HCN1: variants seen among roughly 807,000 people sequenced by gnomAD.
HCN1 encodes potassium/sodium hyperpolarization-activated cyclic nucleotide-gated channel 1.
In HCN1, 13 loss-of-function variants were observed where a neutral mutation model predicts 78.9. The ratio of observed to expected loss-of-function variants is 0.16; its 90% CI spans 0.11 to 0.26. HCN1 has a LOEUF of 0.26. HCN1 is among the 10% of genes least tolerant of loss of function. The probability of loss-of-function intolerance (pLI) is 1.00; values close to 1 mark genes in which losing one functional copy is unlikely to be tolerated. For missense variants in HCN1, 810 were observed against 1,154.3 expected (o/e 0.70, Z 4.32); for synonymous variants, 552 against 455.5 (o/e 1.21, Z -2.70).
At chr5:45,594,938 A>G (rs1383777378) in intron 2 of HCN1, among the ~76,000 whole-genome samples, 2 of 152,206 alleles carry the variant, frequency 1.3e-5, no homozygotes, top group Non-Finnish European at 2.9e-5. Context: ...TTTGAGTTAA[A>G]ACATCTAAGA....
rs57676056 is a variant in HCN1 at position 45,659,195 on chromosome 5, C to T, written c.426-13587G>A. Among the ~76,000 whole-genome samples the T allele has an allele frequency of 1.8e-3, 267 of 149,008 alleles. 1 individual carries two copies. The highest frequency in any genetic ancestry group is 6.4e-3 in the African/African-American group (259 of 40,544). On this transcript the variant is annotated intron_variant, in intron 1 of 7. Transcript: ENST00000303230. ...GGAGGCACCCCCCAGCAGGGGCACA[C>T]TGACACCTCACACGGCAGGGTATTC...
chr5:45,371,139 G>A (rs1747347627), intron 4 of HCN1, among the ~76,000 whole-genome samples: 1 of 151,876 alleles, frequency 6.6e-6, no homozygotes, highest in African/African-American at 2.4e-5. Context: ...GCGATAAGAG[G>A]GAAGTTTATA....
At chr5:45,540,748 C>A (rs2625496) in intron 2 of HCN1, among the ~76,000 whole-genome samples, 111 of 152,086 alleles carry the variant, frequency 7.3e-4, no homozygotes, top group African/African-American at 2.5e-3. Context: ...ATTTTATTTA[C>A]TTTTTTCTAA....
In HCN1 at chr5:45,343,243, C is replaced by A. The variant is rs867221642; in HGVS notation, c.1377+9857G>T. On this transcript the variant is annotated intron_variant, in intron 5 of 7. Coordinates refer to ENST00000303230, the MANE Select transcript of HCN1 (RefSeq NM_021072.4). Reference sequence around the variant, plus strand: ...GAGTATAGAGGGACTGGAAGATGAGCTTAGGGAGTCTATACTTGATTCAAT... The same window carrying A: ...GAGTATAGAGGGACTGGAAGATGAGATTAGGGAGTCTATACTTGATTCAAT... Among the ~76,000 whole-genome samples, 8 of 152,230 alleles carry A rather than the reference C, an allele frequency of 5.3e-5. No individual in the cohort carries two copies. In the Middle Eastern group the frequency reaches 0.01, roughly 194 times the overall value.
At chr5:45,403,195 CA>C (rs1739858464) in intron 3 of HCN1, among the ~76,000 whole-genome samples, 1 of 152,038 alleles carries the variant, frequency 6.6e-6, no homozygotes, top group African/African-American at 2.4e-5. Context: ...CCAAGTGAAC[CA>C]TAACAAAGGA....
rs71000638 is a variant in HCN1, at chr5:45,537,523, CTTTT to C, written c.850-75520_850-75517del. Among the ~76,000 whole-genome samples, 238 of 25,492 alleles carry C rather than the reference CTTTT, an allele frequency of 9.3e-3. 1 individual carries two copies. The highest frequency in any genetic ancestry group is 0.038 in the African/African-American group (221 of 5,854). The allele number at this position is 25,492 out of a possible 152,430, so 16.7% of individuals were successfully genotyped here. On this transcript the variant is annotated intron_variant, in intron 2 of 7. Coordinates refer to ENST00000303230, the MANE Select transcript of HCN1 (RefSeq NM_021072.4). The stretch of plus-strand genomic sequence containing the variant: ...TCACTAATTTAAAGCAACTCTAAGT[CTTTT>C]TTTTTTTTTTTTTTTTTTTTTTTTT...
intron 2 of HCN1, among the ~76,000 whole-genome samples, chr5:45,470,752 G>A (rs1172478870): frequency 6.6e-6 from 1 of 151,902 alleles, no homozygotes; most frequent in African/African-American, 2.4e-5. Flanking sequence ...TATTTGCTAT[G>A]TGCAGAAAGT....
chr5:45,488,784 C>A (rs1285091691), intron 2 of HCN1, among the ~76,000 whole-genome samples: 2 of 152,224 alleles, frequency 1.3e-5, no homozygotes, highest in East Asian at 3.9e-4. Context: ...GCTGTTCCTC[C>A]AGCCATTCCT....
At chr5:45,606,761 A>G (rs1744734042) in intron 2 of HCN1, among the ~76,000 whole-genome samples, 2 of 152,068 alleles carry the variant, frequency 1.3e-5, no homozygotes, top group Admixed American at 6.6e-5. Flanking sequence ...AGCTCTCATA[A>G]TAGAAATAAC....
chr5:45,411,146 G>A (rs948608989), intron 3 of HCN1, among the ~76,000 whole-genome samples: 1 of 151,988 alleles, frequency 6.6e-6, no homozygotes, highest in Non-Finnish European at 1.5e-5. Context: ...CTCTGTGTGT[G>A]TACATTGGGG....
intron 1 of HCN1, among the ~76,000 whole-genome samples, chr5:45,647,455 G>T (rs1433028903): frequency 2.6e-5 from 4 of 151,986 alleles, no homozygotes; most frequent in Non-Finnish European, 4.4e-5. Context: ...TTCTCTCTCT[G>T]CCCTCCCCTT....
At chr5:45,666,092 A>G (rs1219239210) in intron 1 of HCN1, among the ~76,000 whole-genome samples, 1 of 152,086 alleles carries the variant, frequency 6.6e-6, no homozygotes, top group Non-Finnish European at 1.5e-5. Context: ...TCTGAGCCAC[A>G]GTCATTGTAC....
At chr5:45,298,292 T>C (rs986560220) in intron 6 of HCN1, among the ~76,000 whole-genome samples, 2 of 152,050 alleles carry the variant, frequency 1.3e-5, no homozygotes, top group Non-Finnish European at 2.9e-5. Context: ...GTCTTCCACA[T>C]GAGCATGTTC....
chr5:45,601,190 T>C lies in HCN1; in HGVS notation c.849+43995A>G, dbSNP rs1439917170. 2.6e-5 allele frequency among the ~76,000 whole-genome samples: 4 copies of C among 152,170 alleles called. No individual in the cohort carries two copies. The East Asian group carries it at 7.7e-4, about 29-fold the overall frequency. ...AGGTGGGCACATCTGGATTTTGTTG[T>C]GTGTCTATGTCATTTGACTTGTCTT... is the stretch of plus-strand genomic sequence containing the variant. On this transcript the variant is annotated intron_variant, in intron 2 of 7. Coordinates refer to ENST00000303230, the MANE Select transcript of HCN1 (RefSeq NM_021072.4).
rs138962682 is a variant in HCN1, at chr5:45,587,694, A to C, written c.849+57491T>G. Reference sequence around the variant, plus strand: ...GTACATGTACCCTAGAACTTAAAGTATAATAAAAAAAGAAAGAAATATTAA... The same window carrying C: ...GTACATGTACCCTAGAACTTAAAGTCTAATAAAAAAAGAAAGAAATATTAA... On this transcript the variant is annotated intron_variant, in intron 2 of 7. Transcript: ENST00000303230. Among the ~76,000 whole-genome samples the C allele has an allele frequency of 5.0e-3, 757 of 152,260 alleles. 4 individuals are homozygous for C. Among genetic ancestry groups the C allele is most frequent in the African/African-American group, 0.017 (722 of 41,518 alleles).
At chr5:45,341,684 G>A (rs945096725) in intron 5 of HCN1, among the ~76,000 whole-genome samples, 1 of 152,174 alleles carries the variant, frequency 6.6e-6, no homozygotes, top group Non-Finnish European at 1.5e-5. Context: ...TTGAGCCTGG[G>A]AGGTAAAGGC....
intron 4 of HCN1, among the ~76,000 whole-genome samples, chr5:45,354,998 A>G (rs934915940): frequency 6.6e-6 from 1 of 152,024 alleles, no homozygotes; most frequent in Non-Finnish European, 1.5e-5. Context: ...GAATTTGGAA[A>G]ATTAATCCCT....
intron 4 of HCN1, among the ~76,000 whole-genome samples, chr5:45,360,226 A>T (rs1200148468): frequency 6.6e-6 from 1 of 151,762 alleles, no homozygotes; most frequent in Non-Finnish European, 1.5e-5. Context: ...AGAATAAAAA[A>T]GTATAAATTT....
At chr5:45,641,513 T>A (rs1306353232) in intron 2 of HCN1, among the ~76,000 whole-genome samples, 1 of 152,160 alleles carries the variant, frequency 6.6e-6, no homozygotes, top group East Asian at 1.9e-4. Flanking sequence ...TTGTAATATG[T>A]CCCAGTTCTA....
Sources: allele counts gnomAD v4.1 joint callset (sites outside exome capture counted in the v4.1 genomes callset), GRCh38; gene constraint gnomAD v4.1.1; transcripts MANE v1.5; gene names NCBI Gene and HGNC (gene_info 2026-07-23, HGNC 2026-07-21).